Variants in ANGPT1 observed in about 807,000 individuals in gnomAD.
ANGPT1 encodes the protein angiopoietin 1.
In ANGPT1, 17 loss-of-function variants were observed where a neutral mutation model predicts 62.2. The ratio of observed to expected loss-of-function variants is 0.27; its 90% CI spans 0.19 to 0.41. The LOEUF is 0.41. Ranked by LOEUF, ANGPT1 falls within the 10% of genes least tolerant of loss-of-function variation. ANGPT1 has a pLI of 1.00. For synonymous variants in ANGPT1, 199 were observed against 198.9 expected (o/e 1.00, Z 0.00); for missense variants, 478 against 594.9 (o/e 0.80, Z 2.04).
intron 1 of ANGPT1, among the ~76,000 whole-genome samples, chr8:107,424,459 C>T (rs946794987): frequency 6.6e-6 from 1 of 152,076 alleles, no homozygotes; most frequent in Non-Finnish European, 1.5e-5. Flanking sequence ...TTGATAACTC[C>T]ACTGTTCCGA....
Position 107,355,336 on chromosome 8 carries a change from C to A in ANGPT1, c.298-8239G>T, listed in dbSNP as rs550298405. Among the ~76,000 whole-genome samples, 8 of 152,192 alleles carry A rather than the reference C, an allele frequency of 5.3e-5. No homozygotes were observed. The South Asian group carries it at 1.7e-3, about 32-fold the overall frequency. On this transcript the variant is annotated intron_variant, in intron 1 of 8. Transcript: ENST00000517746. ...GTTTTCTTCTGGATTTGTTAATGGC[C>A]CCATAACTGGTCTCCTGACTCCAGA... is the stretch of plus-strand genomic sequence containing the variant.
At chr8:107,357,546 T>C (rs1816072267) in intron 1 of ANGPT1, among the ~76,000 whole-genome samples, 2 of 152,140 alleles carry the variant, frequency 1.3e-5, no homozygotes, top group Non-Finnish European at 2.9e-5. Flanking sequence ...GGGGGATTGA[T>C]GGGGTAAAAG....
intron 1 of ANGPT1, among the ~76,000 whole-genome samples, chr8:107,385,060 G>A (rs184472675): frequency 1.8e-3 from 275 of 152,200 alleles, no homozygotes; most frequent in African/African-American, 6.4e-3. Context: ...GAAATCACCA[G>A]CTTTGTTATT....
chr8:107,359,561 TCCC>T (rs1816116728), intron 1 of ANGPT1, among the ~76,000 whole-genome samples: 2 of 152,044 alleles, frequency 1.3e-5, no homozygotes, highest in African/African-American at 4.8e-5. Flanking sequence ...TAAAGACAGC[TCCC>T]CCAACTTCCT....
chr8:107,336,717 CTAA>C (rs1815577944), intron 2 of ANGPT1, among the ~76,000 whole-genome samples: 1 of 143,580 alleles, frequency 7.0e-6, no homozygotes, highest in Non-Finnish European at 1.5e-5. Context: ...ATTCTACCAA[CTAA>C]TGTTTTACAT....
chr8:107,320,056 T>C (rs1279956761), intron 4 of ANGPT1, among the ~76,000 whole-genome samples: 2 of 152,132 alleles, frequency 1.3e-5, no homozygotes, highest in African/African-American at 4.8e-5. Context: ...GTTTCTATGA[T>C]TATTATTACT....
intron 1 of ANGPT1, among the ~76,000 whole-genome samples, chr8:107,394,114 C>G (rs747648608): frequency 6.6e-6 from 1 of 151,990 alleles, no homozygotes; most frequent in Non-Finnish European, 1.5e-5. Flanking sequence ...TGAAAGATAC[C>G]GGTATTTTCC....
intron 1 of ANGPT1, among the ~76,000 whole-genome samples, chr8:107,416,681 C>A (rs1810756875): frequency 6.6e-6 from 1 of 152,170 alleles, no homozygotes; most frequent in South Asian, 2.1e-4. Context: ...CCCAGCAAGA[C>A]CTATCTGTTG....
chr8:107,401,343 T>A (rs1367211143), intron 1 of ANGPT1, among the ~76,000 whole-genome samples: 1 of 152,178 alleles, frequency 6.6e-6, no homozygotes, highest in East Asian at 1.9e-4. Context: ...AGTGTAACAT[T>A]CAGATACAAC....
chr8:107,254,870 C>G (rs531205948), intron 8 of ANGPT1, among the ~76,000 whole-genome samples: 3 of 151,970 alleles, frequency 2.0e-5, no homozygotes, highest in Non-Finnish European at 4.4e-5. Context: ...AGATGGGAAC[C>G]ACAATCGAAC....
chr8:107,267,889 T>G (rs1275397227), intron 7 of ANGPT1, among the ~76,000 whole-genome samples: 3 of 151,486 alleles, frequency 2.0e-5, no homozygotes, highest in African/African-American at 4.8e-5. Context: ...TATTTCTCCA[T>G]ACATTTGCAA....
intron 1 of ANGPT1, among the ~76,000 whole-genome samples, chr8:107,349,881 G>T (rs775235064): frequency 2.6e-5 from 4 of 152,066 alleles, no homozygotes; most frequent in East Asian, 1.9e-4. Context: ...ATCTTTAAGG[G>T]CATGTACTGG....
intron 1 of ANGPT1, among the ~76,000 whole-genome samples, chr8:107,396,918 C>T (rs532378216): frequency 9.7e-4 from 147 of 151,856 alleles, no homozygotes; most frequent in Non-Finnish European, 1.7e-3. Flanking sequence ...AGCTGTTGAC[C>T]GGCACTTCAG....
chr8:107,424,371 G>A (rs1810981655), intron 1 of ANGPT1, among the ~76,000 whole-genome samples: 1 of 152,096 alleles, frequency 6.6e-6, no homozygotes, highest in Admixed American at 6.6e-5. Context: ...ATTTTGGTTG[G>A]TGATCTTCAA....
At chr8:107,372,818 G>A (rs532869230) in intron 1 of ANGPT1, among the ~76,000 whole-genome samples, 4 of 151,228 alleles carry the variant, frequency 2.6e-5, no homozygotes, top group African/African-American at 7.3e-5. Flanking sequence ...TGTTATATAC[G>A]TTATATGTAC....
chr8:107,491,610 G>T (rs1382953317), intron 1 of ANGPT1, among the ~76,000 whole-genome samples: 1 of 152,132 alleles, frequency 6.6e-6, no homozygotes, highest in African/African-American at 2.4e-5. Flanking sequence ...AGCTTGTAAA[G>T]TCCCTGAGGC....
Position 107,322,136 on chromosome 8 carries a change from G to A in ANGPT1, c.576-8C>T, listed in dbSNP as rs1370785703. The A allele has an allele frequency of 1.3e-6, 2 of 1,582,180 alleles. No homozygotes were observed. The highest frequency in any genetic ancestry group is 1.7e-6 in the Non-Finnish European group (2 of 1,160,610). ...ATTTTATGTTCTAATAAACTACAAG[G>A]AAGTGAAAATAAAACTTAGATTTGA... On this transcript the variant is annotated splice_polypyrimidine_tract_variant and splice_region_variant and intron_variant, in intron 3 of 8. Coordinates refer to ENST00000517746, the MANE Select transcript of ANGPT1 (RefSeq NM_001146.5).
intron 1 of ANGPT1, among the ~76,000 whole-genome samples, chr8:107,350,300 C>T (rs1342383422): frequency 6.6e-6 from 1 of 152,076 alleles, no homozygotes; most frequent in Non-Finnish European, 1.5e-5. Context: ...TGAGAGAGTT[C>T]ACTAATCAGT....
At chr8:107,256,851 T>G (rs2154665) in intron 8 of ANGPT1, among the ~76,000 whole-genome samples, 125,329 of 151,946 alleles carry the variant, frequency 0.82, 51,806 homozygotes, top group Middle Eastern at 0.87. Context: ...TCTGTTTTTT[T>G]TTTTGTTTTG....
Sources: allele counts gnomAD v4.1 joint callset (sites outside exome capture counted in the v4.1 genomes callset), GRCh38; gene constraint gnomAD v4.1.1; transcripts MANE v1.5; gene names NCBI Gene and HGNC (gene_info 2026-07-23, HGNC 2026-07-21).